Variants in PRKCA observed in about 807,000 individuals in gnomAD.
The protein encoded by PRKCA is protein kinase C alpha type.
PRKCA carries 27 observed loss-of-function variants against 87.0 expected under a neutral mutation model. The observed-to-expected ratio is 0.31, with a 90% CI of 0.23 to 0.43. PRKCA has a LOEUF of 0.43. PRKCA is among the 20% of genes least tolerant of loss of function. PRKCA has a pLI of 1.00. For synonymous variants in PRKCA, 329 were observed against 311.1 expected (o/e 1.06, Z -0.61); for missense variants, 518 against 852.3 (o/e 0.61, Z 4.88).
chr17:66,535,018 T>C (rs1330614798), intron 3 of PRKCA, among the ~76,000 whole-genome samples: 1 of 152,224 alleles, frequency 6.6e-6, no homozygotes, highest in Non-Finnish European at 1.5e-5. Context: ...TTACCCTGTG[T>C]GTGTTACCTA....
At chr17:66,393,407 G>A (rs1042566788) in intron 2 of PRKCA, among the ~76,000 whole-genome samples, 1 of 149,342 alleles carries the variant, frequency 6.7e-6, no homozygotes, top group Non-Finnish European at 1.5e-5. Flanking sequence ...TGCTTCTCCC[G>A]GACACACACA....
chr17:66,666,350 G>C (rs1972042425), intron 5 of PRKCA, among the ~76,000 whole-genome samples: 1 of 152,202 alleles, frequency 6.6e-6, no homozygotes, highest in Admixed American at 6.5e-5. Flanking sequence ...GGGGCCAGAA[G>C]CACTTGAAGT....
At chr17:66,605,924 A>C (rs1598808668) in intron 3 of PRKCA, among the ~76,000 whole-genome samples, 1 of 151,208 alleles carries the variant, frequency 6.6e-6, no homozygotes, top group South Asian at 2.1e-4. Context: ...AGGGCTGGGG[A>C]TGGGGAGCAT....
intron 2 of PRKCA, among the ~76,000 whole-genome samples, chr17:66,341,515 G>A (rs1296857670): frequency 6.6e-6 from 1 of 152,206 alleles, no homozygotes; most frequent in Admixed American, 6.5e-5. Flanking sequence ...GCCTTGCACT[G>A]TGTATACATG....
At chr17:66,505,516 A>C (rs1916938296) in intron 3 of PRKCA, among the ~76,000 whole-genome samples, 1 of 152,146 alleles carries the variant, frequency 6.6e-6, no homozygotes, top group Admixed American at 6.5e-5. Context: ...CCATCTTTGG[A>C]ACTCCACTTT....
intron 2 of PRKCA, among the ~76,000 whole-genome samples, chr17:66,396,937 A>G (rs1910714472): frequency 7.3e-6 from 1 of 136,960 alleles, no homozygotes; most frequent in East Asian, 2.2e-4. Context: ...AGAAGCAATC[A>G]TTCAGTCAAA....
At chr17:66,305,075 G>GC (rs1398312726) in intron 1 of PRKCA, among the ~76,000 whole-genome samples, 2 of 152,096 alleles carry the variant, frequency 1.3e-5, no homozygotes, top group Non-Finnish European at 2.9e-5. Context: ...AGTGGAAAAT[G>GC]CCCCCCTGAG....
intron 2 of PRKCA, among the ~76,000 whole-genome samples, chr17:66,353,580 G>A (rs1224495480): frequency 1.3e-5 from 2 of 152,172 alleles, no homozygotes; most frequent in Admixed American, 1.3e-4. Context: ...GCCGGGTGTG[G>A]TGGCCTGCTC....
chr17:66,790,312 C>T (rs987591423), intron 16 of PRKCA, among the ~76,000 whole-genome samples: 9 of 152,202 alleles, frequency 5.9e-5, no homozygotes, highest in African/African-American at 1.9e-4. Flanking sequence ...TAAAATTAAT[C>T]AGGTCAGTTG....
chr17:66,687,055 C>T lies in PRKCA; in HGVS notation c.530-56C>T, dbSNP rs149548224. 2.3e-4 allele frequency: 325 copies of T among 1,430,656 alleles called. 1 individual carries two copies. In the East Asian group the frequency reaches 7.1e-3, roughly 31 times the overall value. The allele number at this position is 1,430,656 out of a possible 1,614,324, so 88.6% of individuals were successfully genotyped here. ...TCAGCTTGGTATTGACACAAGACAG[C>T]GGGCAATATAGGTCTGTTCTCTTTT... On this transcript the variant is annotated intron_variant, in intron 5 of 16. Transcript: ENST00000413366.
intron 16 of PRKCA, among the ~76,000 whole-genome samples, chr17:66,791,534 GC>G (rs1384627581): frequency 2.0e-5 from 3 of 152,208 alleles, no homozygotes; most frequent in African/African-American, 7.2e-5. Flanking sequence ...GATAAATGGG[GC>G]AAGCTCTGGT....
intron 8 of PRKCA, among the ~76,000 whole-genome samples, chr17:66,708,116 A>G (rs1023670327): frequency 2.6e-5 from 4 of 152,162 alleles, no homozygotes; most frequent in African/African-American, 7.2e-5. Flanking sequence ...TGATGTACAC[A>G]TGATGGTGGC....
chr17:66,336,980 G>A (rs1207072798), intron 2 of PRKCA, among the ~76,000 whole-genome samples: 1 of 152,042 alleles, frequency 6.6e-6, no homozygotes, highest in Non-Finnish European at 1.5e-5. Flanking sequence ...TAGTAGAGAT[G>A]GGGTTTCACC....
intron 3 of PRKCA, among the ~76,000 whole-genome samples, chr17:66,542,171 A>G (rs920768764): frequency 6.6e-5 from 10 of 152,328 alleles, no homozygotes; most frequent in Admixed American, 1.3e-4. Flanking sequence ...CTTTAAAATT[A>G]TTACAGAGAG....
chr17:66,700,147 G>A (rs1456731446), intron 8 of PRKCA, among the ~76,000 whole-genome samples: 3 of 152,182 alleles, frequency 2.0e-5, no homozygotes, highest in African/African-American at 4.8e-5. Flanking sequence ...TACAAGGATG[G>A]TTTAACATAA....
chr17:66,510,966 C>G (rs914161572), intron 3 of PRKCA, among the ~76,000 whole-genome samples: 1 of 152,016 alleles, frequency 6.6e-6, no homozygotes, highest in East Asian at 1.9e-4. Context: ...AGGCTGGTCT[C>G]GAACTCCGGT....
chr17:66,715,820 CAGACT>C, intron 8 of PRKCA, among the ~76,000 whole-genome samples: 1 of 152,210 alleles, frequency 6.6e-6, no homozygotes, highest in East Asian at 1.9e-4. Context: ...CTCGGTAAGG[CAGACT>C]AGTGAATCTT....
chr17:66,780,273 A>G (rs963456903), intron 14 of PRKCA, among the ~76,000 whole-genome samples: 2 of 152,216 alleles, frequency 1.3e-5, no homozygotes, highest in African/African-American at 2.4e-5. Flanking sequence ...CTGATGACGC[A>G]TCACCTCAAT....
At chr17:66,789,476 C>T (rs1252719021) in intron 16 of PRKCA, among the ~76,000 whole-genome samples, 4 of 152,230 alleles carry the variant, frequency 2.6e-5, no homozygotes, top group Non-Finnish European at 4.4e-5. Flanking sequence ...GCCTCCACTG[C>T]GGGGAGTGAG....
Sources: gnomAD v4.1 joint callset for allele counts (sites outside exome capture counted in the v4.1 genomes callset) on GRCh38, gnomAD v4.1.1 for gene constraint, MANE v1.5 for transcripts, NCBI Gene and HGNC (gene_info 2026-07-23, HGNC 2026-07-21) for gene names.